Variants in ZNF518B observed in about 807,000 individuals in gnomAD.
ZNF518B encodes the protein zinc finger protein 518B.
A neutral mutation model predicts 56.3 loss-of-function variants in ZNF518B; 23 were observed. That is an observed-to-expected ratio of 0.41 (90% CI 0.29 to 0.58). The LOEUF (loss-of-function observed/expected upper bound fraction) is 0.58, where lower values mean the gene tolerates loss of function less well. ZNF518B is among the 20% of genes least tolerant of loss of function. ZNF518B has a pLI of 0.32. For synonymous variants in ZNF518B, 529 were observed against 465.9 expected, an observed-to-expected ratio of 1.14 and a Z score of -1.74; for missense variants, 1,460 against 1,272.1, an observed-to-expected ratio of 1.15 and a Z score of -2.25.
Position 10,445,747 on chromosome 4 carries a change from A to G in ZNF518B, c.582T>C (p.Tyr194=), listed in dbSNP as rs753852946. Residue 194 remains tyrosine (Y), a synonymous_variant, in exon 3 of 3, where the codon TAT becomes TAC. Coordinates refer to ENST00000326756, the MANE Select transcript of ZNF518B (RefSeq NM_053042.3). The stretch of plus-strand genomic sequence containing the variant: ...CATTTCTAATAGCACCATAGTCACA[A>G]TACTCACACTGATAAGGAAATATGC... ...HTGIFPYQCE[Y]CDYGAIRNDY... 8.7e-6 allele frequency: 14 copies of G among 1,614,216 alleles called. No individual in the cohort carries two copies. In the South Asian group the frequency reaches 8.8e-5, roughly 10 times the overall value.
At position 10,440,704 on chromosome 4, in the gene ZNF518B, G is replaced by C. The variant is rs769007515; in HGVS notation, c.*2400C>G. On this transcript the variant is annotated 3_prime_UTR_variant, in exon 3 of 3. Coordinates refer to ENST00000326756, the MANE Select transcript of ZNF518B (RefSeq NM_053042.3). ...AATTAAGCTCCATCAAAGTATGCAAGTTGTGTTTTTACTTATGCTTGAAAG... is the reference window on the plus strand; with the variant it reads ...AATTAAGCTCCATCAAAGTATGCAACTTGTGTTTTTACTTATGCTTGAAAG... 6.6e-6 allele frequency: 1 copy of C among 150,538 alleles called. No individual in the cohort carries two copies. Among genetic ancestry groups the C allele is most frequent in the African/African-American group, 2.5e-5 (1 of 39,948 alleles). 9.3% of individuals were successfully genotyped at this position (150,538 alleles called of 1,614,324 possible). A position where few individuals can be genotyped will look rare whatever the true frequency, so the allele number is the denominator to read the frequency against.
At position 10,444,766 on chromosome 4, in the gene ZNF518B, G is replaced by C. The variant is rs776434449; in HGVS notation, c.1563C>G (p.His521Gln). Residue 521 changes from histidine (H) to glutamine (Q), a missense_variant, in exon 3 of 3, where the codon CAC becomes CAG. By Grantham distance (24) the His-to-Gln change is conservative. Coordinates refer to ENST00000326756, the MANE Select transcript of ZNF518B (RefSeq NM_053042.3). ...VCFAESGRNL[H>Q]SSSQQLLPFA... Reference sequence around the variant, plus strand: ...ATGGGAGTAACTGCTGTGAGCTACTGTGTAAATTTCTTCCACTTTCAGCAA... The same window carrying C: ...ATGGGAGTAACTGCTGTGAGCTACTCTGTAAATTTCTTCCACTTTCAGCAA... The C allele has an allele frequency of 6.2e-7, 1 of 1,613,692 alleles. No individual in the cohort carries two copies. Among genetic ancestry groups the C allele is most frequent in the Non-Finnish European group, 8.5e-7 (1 of 1,179,818 alleles).
chr4:10,446,878 C>T (rs2108989520), intron 2 of ZNF518B, among the ~76,000 whole-genome samples: 1 of 152,304 alleles, frequency 6.6e-6, no homozygotes, highest in South Asian at 2.1e-4. Flanking sequence ...GGTATAATTT[C>T]ATATTACCTT....
chr4:10,456,169 T>A (rs1715516145), intron 1 of ZNF518B, among the ~76,000 whole-genome samples: 1 of 152,204 alleles, frequency 6.6e-6, no homozygotes, highest in South Asian at 2.1e-4. Flanking sequence ...TTTGTACTTT[T>A]AAATAGGACA....
chr4:10,451,709 C>T (rs906252041), intron 2 of ZNF518B: 8 of 152,324 alleles, frequency 5.3e-5, no homozygotes, highest in African/African-American at 1.9e-4. Context: ...TAATTTACCT[C>T]TGTGGCAAAA....
At chr4:10,447,710 T>C (rs1289584726) in intron 2 of ZNF518B, among the ~76,000 whole-genome samples, 1 of 146,216 alleles carries the variant, frequency 6.8e-6, no homozygotes, top group Non-Finnish European at 1.5e-5. Context: ...AGTGCAATGG[T>C]GCAATCTTGG....
upstream of ZNF518B, among the ~76,000 whole-genome samples, chr4:10,457,573 G>A (rs1484610052): frequency 1.3e-5 from 2 of 152,246 alleles, no homozygotes; most frequent in African/African-American, 4.8e-5. Context: ...CCCCACTTCT[G>A]GGCTTAGAGC....
rs749933748 is a variant in ZNF518B, at chr4:10,445,281, C to T, written c.1048G>A (p.Val350Met). 16 of 1,614,058 alleles carry T rather than the reference C, an allele frequency of 9.9e-6. No homozygotes were observed. The South Asian group carries it at 1.3e-4, about 13-fold the overall frequency. The change falls in exon 3 of 3, where the codon GTG (valine) becomes ATG (methionine). Residue 350 changes from valine to methionine, a missense_variant. Val to Met is a conservative substitution (Grantham distance 21). Coordinates refer to ENST00000326756, the MANE Select transcript of ZNF518B (RefSeq NM_053042.3). ...TGCTGTGTACCATTGACAACCTTCA[C>T]ATCTATCAACTGGGCTAAACAGTTT... ...PANCLAQLID[V>M]KVVNGTQQLV...
At chr4:10,457,974 G>A (rs1294032653), upstream of ZNF518B, among the ~76,000 whole-genome samples, 1 of 152,168 alleles carries the variant, frequency 6.6e-6, no homozygotes, top group Non-Finnish European at 1.5e-5. Flanking sequence ...CGTATGTGAG[G>A]CGCAAAGCCT....
Position 10,446,092 on chromosome 4 carries a change from C to T in ZNF518B, c.237G>A (p.Gly79=). 1 of 1,614,198 alleles carries T rather than the reference C, an allele frequency of 6.2e-7. No homozygotes were observed. The highest frequency in any genetic ancestry group is 8.5e-7 in the Non-Finnish European group (1 of 1,180,036). ...ISLQDLQKGT[G]KDGMYVCFQC... ...GGAAGCAGACATACATACCGTCCTTCCCTGTACCCTTCTGCAAATCTTGAA... is the reference window on the plus strand; with the variant it reads ...GGAAGCAGACATACATACCGTCCTTTCCTGTACCCTTCTGCAAATCTTGAA... Residue 79 remains glycine (G), a synonymous_variant, in exon 3 of 3, where the codon GGG becomes GGA. Transcript: ENST00000326756.
At chr4:10,447,353 AT>A (rs1577223624) in intron 2 of ZNF518B, among the ~76,000 whole-genome samples, 1 of 152,272 alleles carries the variant, frequency 6.6e-6, no homozygotes, top group East Asian at 1.9e-4. Flanking sequence ...TGCTAAGTTC[AT>A]GTCTGAGCAG....
At chr4:10,446,991 A>G (rs950115404) in intron 2 of ZNF518B, among the ~76,000 whole-genome samples, 1 of 152,232 alleles carries the variant, frequency 6.6e-6, no homozygotes, top group Non-Finnish European at 1.5e-5. Context: ...ATTTGTTTCT[A>G]CATTATAGCT....
Position 10,445,224 on chromosome 4 carries a change from T to G in ZNF518B, c.1105A>C (p.Asn369His), listed in dbSNP as rs1230577651. The change falls in exon 3 of 3, where the codon AAT becomes CAT. Residue 369 changes from asparagine (N) to histidine (H), a missense_variant. Coordinates refer to ENST00000326756, the MANE Select transcript of ZNF518B (RefSeq NM_053042.3). The part of the protein sequence containing the change: ...LVLKLFPLEE[N>H]NCLEAGRDNG... Reference sequence around the variant, plus strand: ...TCCCTCCCAGCTTCAAGGCAATTATTTTCTTCCAGCGGAAACAGTTTCAGA... The same window carrying G: ...TCCCTCCCAGCTTCAAGGCAATTATGTTCTTCCAGCGGAAACAGTTTCAGA... 1.2e-6 allele frequency: 2 copies of G among 1,614,220 alleles called. No individual in the cohort carries two copies. The highest frequency in any genetic ancestry group is 1.7e-6 in the Non-Finnish European group (2 of 1,180,038).
rs1298111077 is a variant in ZNF518B, at chr4:10,454,866, C to A, written c.-273G>T. ...AAAACCGTGGCAAGTCCCATGGGCT[C>A]TTCCTTCTCTTTCAGGCCTTCTCTT... On this transcript the variant is annotated 5_prime_UTR_variant, in exon 2 of 3. Coordinates refer to ENST00000326756, the MANE Select transcript of ZNF518B (RefSeq NM_053042.3). 1 of 152,290 alleles carries A rather than the reference C, an allele frequency of 6.6e-6. No homozygotes were observed. Among genetic ancestry groups the A allele is most frequent in the Non-Finnish European group, 1.5e-5 (1 of 68,076 alleles). The allele number at this position is 152,290 out of a possible 1,614,324, so 9.4% of individuals were successfully genotyped here. A position where few individuals can be genotyped will look rare whatever the true frequency, so the allele number is the denominator to read the frequency against.
intron 2 of ZNF518B, 124 bp from the exon 3 acceptor site, chr4:10,446,663 C>T (rs112867144): frequency 8.9e-5 from 19 of 213,544 alleles, no homozygotes; most frequent in Non-Finnish European, 1.4e-4. Flanking sequence ...TGATTTTAGA[C>T]GCATGTTATA....
upstream of ZNF518B, among the ~76,000 whole-genome samples, chr4:10,460,690 G>C (rs1477453994): frequency 1.3e-5 from 2 of 152,160 alleles, no homozygotes; most frequent in Non-Finnish European, 2.9e-5. Context: ...CTCAGAGGAA[G>C]GCCTCCACGA....
intron 2 of ZNF518B, among the ~76,000 whole-genome samples, chr4:10,448,969 T>G (rs942490967): frequency 6.6e-6 from 1 of 152,150 alleles, no homozygotes; most frequent in African/African-American, 2.4e-5. Context: ...CTCTATTATC[T>G]ATTAAAAAAA....
Position 10,443,850 on chromosome 4 carries a change from T to G in ZNF518B, c.2479A>C (p.Arg827=). The change falls in exon 3 of 3, where the codon AGA becomes CGA. Residue 827 remains arginine, a synonymous_variant. Transcript: ENST00000326756. ...RQADSDLQPL[R]SERGPIDMSP... is the part of the protein sequence containing the mutation. ...ATATCTATTGGCCCCCTTTCACTTC[T>G]TAAAGGCTGTAAGTCTGAGTCCGCC... The G allele has an allele frequency of 6.2e-7, 1 of 1,614,206 alleles. No individual in the cohort carries two copies.
intron 2 of ZNF518B, chr4:10,450,900 T>C (rs1246207158): frequency 6.6e-6 from 1 of 152,194 alleles, no homozygotes; most frequent in African/African-American, 2.4e-5. Context: ...TATGGTGCAA[T>C]AAATAAGATG....
Sources: gnomAD v4.1 joint callset for allele counts (sites outside exome capture counted in the v4.1 genomes callset) on GRCh38, gnomAD v4.1.1 for gene constraint, MANE v1.5 for transcripts, NCBI Gene and HGNC (gene_info 2026-07-23, HGNC 2026-07-21) for gene names.